The following UTRN variants were observed in gnomAD, a reference collection of about 807,000 sequenced individuals.
UTRN encodes the protein dystrophin-related protein 1.
UTRN carries 283 observed loss-of-function variants against 463.9 expected under a neutral mutation model. The observed-to-expected ratio is 0.61, with a 90% CI of 0.55 to 0.67. The LOEUF (loss-of-function observed/expected upper bound fraction) is 0.67, where lower values mean the gene tolerates loss of function less well. Ranked by LOEUF, UTRN falls within the 30% of genes least tolerant of loss-of-function variation. The pLI is 0.00. For synonymous variants in UTRN, 1,442 were observed against 1,431.5 expected, an observed-to-expected ratio of 1.01 and a Z score of -0.17; for missense variants, 3,922 against 4,084.3, an observed-to-expected ratio of 0.96 and a Z score of 1.08.
In UTRN at chr6:144,459,365, C is replaced by A; in HGVS notation, c.2707+11C>A. The A allele has an allele frequency of 2.5e-6, 4 of 1,569,652 alleles. No homozygotes were observed. The highest frequency in any genetic ancestry group is 3.5e-6 in the Non-Finnish European group (4 of 1,157,864). On this transcript the variant is annotated intron_variant, in intron 21 of 74. Coordinates refer to ENST00000367545, the MANE Select transcript of UTRN (RefSeq NM_007124.3). ...AACATCTAGAGAATGGTAAACCCAA[C>A]AATTTTAAAATCTCCTGTCTCAGTT...
intron 2 of UTRN, among the ~76,000 whole-genome samples, chr6:144,400,047 G>A (rs183157590): frequency 1.3e-5 from 2 of 152,064 alleles, no homozygotes; most frequent in Non-Finnish European, 2.9e-5. Flanking sequence ...ATTCAGTCTC[G>A]TGTTCATCCC....
chr6:144,668,685 G>C (rs897494984), intron 51 of UTRN, among the ~76,000 whole-genome samples: 1 of 152,006 alleles, frequency 6.6e-6, no homozygotes, highest in Non-Finnish European at 1.5e-5. Flanking sequence ...CAGCTCTCTG[G>C]GGCTTCCTTT....
intron 65 of UTRN, among the ~76,000 whole-genome samples, chr6:144,804,491 A>G (rs1003333514): frequency 6.6e-6 from 1 of 152,222 alleles, no homozygotes; most frequent in African/African-American, 2.4e-5. Flanking sequence ...ATTTTAATCA[A>G]TAATATACTG....
chr6:144,775,322 G>A (rs1775227852), intron 60 of UTRN, among the ~76,000 whole-genome samples: 1 of 152,140 alleles, frequency 6.6e-6, no homozygotes, highest in African/African-American at 2.4e-5. Flanking sequence ...GCAATGCAAA[G>A]CTTGAAAATA....
chr6:144,848,432 G>A (rs36083145), intron 74 of UTRN, among the ~76,000 whole-genome samples: 16,669 of 152,152 alleles, frequency 0.11, 1,251 homozygotes, highest in East Asian at 0.44. Context: ...AGGCAAAGAA[G>A]TGATTATAAT....
chr6:144,692,850 T>C (rs9497046), intron 52 of UTRN, among the ~76,000 whole-genome samples: 7,859 of 152,152 alleles, frequency 0.052, 296 homozygotes, highest in African/African-American at 0.1. Context: ...GTTTACTCTG[T>C]TGATAGTTTC....
chr6:144,395,483 T>G (rs903191366), intron 2 of UTRN, among the ~76,000 whole-genome samples: 2 of 151,824 alleles, frequency 1.3e-5, no homozygotes, highest in African/African-American at 4.8e-5. Flanking sequence ...TTAGAAACAT[T>G]CTTTCAGTTT....
At chr6:144,759,328 GT>G (rs1792368513) in intron 58 of UTRN, among the ~76,000 whole-genome samples, 1 of 152,014 alleles carries the variant, frequency 6.6e-6, no homozygotes, top group African/African-American at 2.4e-5. Flanking sequence ...AACTGAAAAT[GT>G]TTAAAACTGT....
intron 41 of UTRN, among the ~76,000 whole-genome samples, chr6:144,528,717 C>T (rs1366848671): frequency 1.3e-5 from 2 of 152,176 alleles, no homozygotes; most frequent in South Asian, 4.1e-4. Flanking sequence ...GGGAGTGAAG[C>T]GGCCTCTGTG....
chr6:144,456,999 T>C (rs997425413), intron 19 of UTRN, among the ~76,000 whole-genome samples: 3 of 152,284 alleles, frequency 2.0e-5, no homozygotes, highest in Middle Eastern at 3.4e-3. Flanking sequence ...TTTTAGACAA[T>C]TAATAAAGTG....
chr6:144,433,903 C>T lies in UTRN; in HGVS notation c.856-2032C>T, dbSNP rs1218135198. The stretch of plus-strand genomic sequence containing the variant: ...GGCTCCTCACATCCCAGACGATGGG[C>T]GGCCAGGCAGAGACGCTCCTCACTT... On this transcript the variant is annotated intron_variant, in intron 9 of 74. Transcript: ENST00000367545. Among the ~76,000 whole-genome samples the T allele has an allele frequency of 1.1e-3, 166 of 151,590 alleles. 1 individual carries two copies. The highest frequency in any genetic ancestry group is 5.0e-4 in the Non-Finnish European group (34 of 67,844).
intron 2 of UTRN, among the ~76,000 whole-genome samples, chr6:144,370,904 A>G (rs1479618797): frequency 6.6e-6 from 1 of 152,170 alleles, no homozygotes; most frequent in Non-Finnish European, 1.5e-5. Context: ...CGTACTGAAA[A>G]TCAAGATCAA....
rs1776134266 is a variant in UTRN at position 144,628,062 on chromosome 6, G to A, written c.7480-50344G>A. 5.3e-5 allele frequency among the ~76,000 whole-genome samples: 8 copies of A among 152,260 alleles called. No individual in the cohort carries two copies. In the South Asian group the frequency reaches 1.7e-3, roughly 32 times the overall value. ...GATCCACCCGCCTCGGCCTCCCAAA[G>A]TGCTGGGATTACAGGCGTGAGTCAC... On this transcript the variant is annotated intron_variant, in intron 51 of 74. Coordinates refer to ENST00000367545, the MANE Select transcript of UTRN (RefSeq NM_007124.3).
intron 13 of UTRN, among the ~76,000 whole-genome samples, chr6:144,440,826 T>C (rs970642900): frequency 3.9e-5 from 6 of 152,202 alleles, no homozygotes; most frequent in Admixed American, 6.5e-5. Context: ...TACAGTTCCA[T>C]GTGGCTGGGG....
intron 51 of UTRN, among the ~76,000 whole-genome samples, chr6:144,590,904 G>A (rs923969197): frequency 6.6e-5 from 10 of 150,500 alleles, no homozygotes; most frequent in Non-Finnish European, 1.0e-4. Context: ...ACACACATAA[G>A]GTTGTTGTAG....
intron 8 of UTRN, 56 bp from the exon 9 acceptor site, chr6:144,429,525 A>G (rs935168010): frequency 1.3e-6 from 2 of 1,482,100 alleles, no homozygotes; most frequent in African/African-American, 1.4e-5. Flanking sequence ...ATATTGAGCA[A>G]TTCACATATT....
At chr6:144,508,057 C>G (rs1794836516) in intron 34 of UTRN, among the ~76,000 whole-genome samples, 1 of 152,176 alleles carries the variant, frequency 6.6e-6, no homozygotes, top group South Asian at 2.1e-4. Flanking sequence ...ACTGCCTACT[C>G]AAGCCTCAGT....
At chr6:144,546,812 G>GA (rs1405927269) in intron 46 of UTRN, among the ~76,000 whole-genome samples, 1 of 147,856 alleles carries the variant, frequency 6.8e-6, no homozygotes, top group Non-Finnish European at 1.5e-5. Flanking sequence ...CTATCTCAAA[G>GA]AAAAAACAAA....
intron 51 of UTRN, among the ~76,000 whole-genome samples, chr6:144,610,644 G>A (rs1805397605): frequency 6.6e-6 from 1 of 152,212 alleles, no homozygotes; most frequent in African/African-American, 2.4e-5. Flanking sequence ...GGAGGCCAAG[G>A]TGGGAGAATC....
Sources: gnomAD v4.1 joint callset for allele counts (sites outside exome capture counted in the v4.1 genomes callset) on GRCh38, gnomAD v4.1.1 for gene constraint, MANE v1.5 for transcripts, NCBI Gene and HGNC (gene_info 2026-07-23, HGNC 2026-07-21) for gene names.